The following KCNN2 variants were observed in gnomAD, a reference collection of about 807,000 sequenced individuals.
KCNN2 encodes small conductance calcium-activated potassium channel protein 2.
A neutral mutation model predicts 55.5 loss-of-function variants in KCNN2; 24 were observed. The observed-to-expected ratio is 0.43, with a 90% CI of 0.31 to 0.61. The LOEUF (loss-of-function observed/expected upper bound fraction) is 0.61, where lower values mean the gene tolerates loss of function less well. Ranked by LOEUF, KCNN2 falls within the 20% of genes least tolerant of loss-of-function variation. KCNN2 has a pLI of 0.08. For synonymous variants in KCNN2, 431 were observed against 336.1 expected (o/e 1.28, Z -3.09); for missense variants, 754 against 853.6 (o/e 0.88, Z 1.45).
chr5:114,227,934 C>A (rs74599706), intron 2 of KCNN2, among the ~76,000 whole-genome samples: 2,902 of 151,982 alleles, frequency 0.019, 85 homozygotes, highest in African/African-American at 0.066. Context: ...TTGATTCATT[C>A]CTTCATTCAG....
chr5:114,363,084 C>T lies in KCNN2; in HGVS notation c.945C>T (p.Ser315=), dbSNP rs1580750043. 2 of 1,611,324 alleles carry T rather than the reference C, an allele frequency of 1.2e-6. No homozygotes were observed. The highest frequency in any genetic ancestry group is 2.2e-5 in the South Asian group (2 of 91,046). Residue 315 remains serine (S), a synonymous_variant, in exon 1 of 8, where the codon AGC becomes AGT. Coordinates refer to ENST00000673685, the MANE Select transcript of KCNN2 (RefSeq NM_021614.4). The part of the protein sequence containing the change: ...GGGGGGSGHG[S]SSGTKSSKKK... ...GCGGTGGCGGGAGCGGGCACGGCAG[C>T]AGCAGTGGCACCAAGTCCAGCAAAA...
chr5:114,166,145 C>G (rs923074865), intron 1 of KCNN2, among the ~76,000 whole-genome samples: 4 of 152,052 alleles, frequency 2.6e-5, no homozygotes, highest in Non-Finnish European at 4.4e-5. Context: ...CCTCCTCGGC[C>G]TCCCAAAGTG....
chr5:114,438,975 CAT>C (rs1259149623), intron 3 of KCNN2, among the ~76,000 whole-genome samples: 1 of 152,114 alleles, frequency 6.6e-6, no homozygotes, highest in African/African-American at 2.4e-5. Context: ...GTAATTACAA[CAT>C]ATTTTAACTG....
At chr5:114,267,750 G>A (rs1297487287) in intron 2 of KCNN2, among the ~76,000 whole-genome samples, 1 of 151,966 alleles carries the variant, frequency 6.6e-6, no homozygotes, top group Non-Finnish European at 1.5e-5. Flanking sequence ...GTTTTTCCCT[G>A]GAAGAGGAAA....
chr5:114,227,589 C>G (rs62382879), intron 2 of KCNN2, among the ~76,000 whole-genome samples: 19,111 of 152,136 alleles, frequency 0.13, 1,702 homozygotes, highest in East Asian at 0.53. Context: ...CATCATTGTG[C>G]CTTGCACTTG....
intron 6 of KCNN2, chr5:114,488,854 C>T (rs1289844819): frequency 6.6e-6 from 1 of 152,118 alleles, no homozygotes; most frequent in Non-Finnish European, 1.5e-5. Context: ...TTGGTATTAA[C>T]CTATATTTAG....
In KCNN2 at chr5:114,249,744, CA is replaced by C. The variant is rs70976329; in HGVS notation, c.-185+28197del. Among the ~76,000 whole-genome samples the C allele has an allele frequency of 3.2e-3, 452 of 141,942 alleles. 3 individuals are homozygous for C. Among genetic ancestry groups the C allele is most frequent in the African/African-American group, 0.01 (386 of 37,958 alleles). 93.1% of individuals were successfully genotyped at this position (141,942 alleles called of 152,430 possible). A position where few individuals can be genotyped will look rare whatever the true frequency, so the allele number is the denominator to read the frequency against. ...CGGAATTAAAAAAAAACCCTAGCTT[CA>C]AAAAAAAAAAAAAAAAAGAATGGGC... On this transcript the variant is annotated intron_variant, in intron 2 of 10. Coordinates refer to the KCNN2 transcript ENST00000512097.
chr5:114,346,538 C>G (rs257469), intron 2 of KCNN2, among the ~76,000 whole-genome samples: 1 of 151,962 alleles, frequency 6.6e-6, no homozygotes, highest in Non-Finnish European at 1.5e-5. Flanking sequence ...GAAAATAATA[C>G]AGCAAAACTG....
intron 2 of KCNN2, among the ~76,000 whole-genome samples, chr5:114,310,575 G>A (rs1161932714): frequency 6.6e-6 from 1 of 152,072 alleles, no homozygotes; most frequent in Admixed American, 6.6e-5. Context: ...GTACTCCAAA[G>A]GTTAATTTTT....
intron 2 of KCNN2, among the ~76,000 whole-genome samples, chr5:114,320,351 C>G (rs768568192): frequency 2.6e-5 from 4 of 152,070 alleles, no homozygotes; most frequent in African/African-American, 4.8e-5. Flanking sequence ...CTGTGCCTCA[C>G]GCCTGTAATC....
intron 1 of KCNN2, among the ~76,000 whole-genome samples, chr5:114,104,152 G>T (rs1162401076): frequency 6.6e-6 from 1 of 151,976 alleles, no homozygotes; most frequent in Non-Finnish European, 1.5e-5. Context: ...GTTTAGTTTT[G>T]GGAGGGTTTA....
intron 2 of KCNN2, among the ~76,000 whole-genome samples, chr5:114,350,536 A>T (rs1757188540): frequency 6.6e-6 from 1 of 151,914 alleles, no homozygotes; most frequent in Non-Finnish European, 1.5e-5. Context: ...ACCACTGCTG[A>T]GGTCACAAGC....
chr5:114,245,794 C>T (rs1011867430), intron 2 of KCNN2, among the ~76,000 whole-genome samples: 2 of 152,122 alleles, frequency 1.3e-5, no homozygotes, highest in Admixed American at 6.6e-5. Context: ...TACCCAAGGG[C>T]CTTTAGCAAG....
At chr5:114,107,503 G>A (rs1177828720) in intron 1 of KCNN2, among the ~76,000 whole-genome samples, 1 of 151,926 alleles carries the variant, frequency 6.6e-6, no homozygotes, top group East Asian at 1.9e-4. Context: ...TTCTACCTCA[G>A]CCTCCTGAAT....
At chr5:114,393,191 C>G (rs925205182) in intron 2 of KCNN2, among the ~76,000 whole-genome samples, 1 of 151,998 alleles carries the variant, frequency 6.6e-6, no homozygotes, top group Non-Finnish European at 1.5e-5. Context: ...TCCACAGAAC[C>G]TTACAAATAG....
intron 1 of KCNN2, among the ~76,000 whole-genome samples, chr5:114,182,719 C>T (rs769754758): frequency 2.1e-4 from 32 of 151,980 alleles, no homozygotes; most frequent in Non-Finnish European, 4.6e-4. Context: ...ATATATTAGC[C>T]TTGTATCTTC....
intron 2 of KCNN2, among the ~76,000 whole-genome samples, chr5:114,338,636 G>T (rs1756965515): frequency 6.6e-6 from 1 of 152,190 alleles, no homozygotes; most frequent in South Asian, 2.1e-4. Context: ...TTAGATACCA[G>T]AATCAGCCCA....
intron 1 of KCNN2, 70 bp downstream of exon 1, chr5:114,363,331 G>A (rs1580750355): frequency 6.9e-7 from 1 of 1,458,788 alleles, no homozygotes; most frequent in Non-Finnish European, 9.0e-7. Context: ...CACTGGCGGG[G>A]ACCCTTTGCG....
At chr5:114,188,703 CT>C (rs34387554) in intron 1 of KCNN2, among the ~76,000 whole-genome samples, 2 of 149,040 alleles carry the variant, frequency 1.3e-5, no homozygotes, top group African/African-American at 4.9e-5. Flanking sequence ...AAGATAAAAT[CT>C]TTTTCATAAT....
Sources: gnomAD v4.1 joint callset for allele counts (sites outside exome capture counted in the v4.1 genomes callset) on GRCh38, gnomAD v4.1.1 for gene constraint, MANE v1.5 for transcripts, NCBI Gene and HGNC (gene_info 2026-07-23, HGNC 2026-07-21) for gene names.